The following TRIM33 variants were observed in gnomAD, a reference collection of about 807,000 sequenced individuals.
TRIM33 encodes tripartite motif containing 33, also known as E3 ubiquitin-protein ligase TRIM33.
TRIM33 carries 20 observed loss-of-function variants against 125.4 expected under a neutral mutation model. The observed-to-expected ratio is 0.16, with a 90% confidence interval of 0.11 to 0.23. The LOEUF (loss-of-function observed/expected upper bound fraction) is 0.23, where lower values mean the gene tolerates loss of function less well. Among genes scored for constraint, TRIM33 ranks in the 10% least tolerant of loss-of-function variants. The pLI, the probability that TRIM33 is intolerant of heterozygous loss-of-function variation, is 1.00. For missense variants in TRIM33, 920 were observed against 1,411.4 expected (o/e 0.65, Z 5.58); for synonymous variants, 564 against 513.9 (o/e 1.10, Z -1.32).
At chr1:114,493,372 C>G (rs1476411870) in intron 1 of TRIM33, among the ~76,000 whole-genome samples, 1 of 152,132 alleles carries the variant, frequency 6.6e-6, no homozygotes, top group Non-Finnish European at 1.5e-5. Flanking sequence ...CTTCAATGTA[C>G]AAAAGTTTTA....
intron 6 of TRIM33, 147 bp from the exon 7 acceptor site, chr1:114,428,041 C>A: frequency 2.5e-6 from 2 of 810,294 alleles, no homozygotes; most frequent in Admixed American, 3.1e-5. Context: ...AGCCTATCAT[C>A]AGAGGAAAAG....
At chr1:114,461,598 G>C (rs1265827378) in intron 4 of TRIM33, among the ~76,000 whole-genome samples, 1 of 152,050 alleles carries the variant, frequency 6.6e-6, no homozygotes, top group African/African-American at 2.4e-5. Flanking sequence ...TAAGGACTTA[G>C]ATATAAGTGG....
chr1:114,448,952 G>C (rs74370068), intron 4 of TRIM33, among the ~76,000 whole-genome samples: 1 of 152,088 alleles, frequency 6.6e-6, no homozygotes, highest in Non-Finnish European at 1.5e-5. Context: ...ACAAAGACTA[G>C]AGTGTCTGAA....
At chr1:114,482,276 G>A (rs1023898637) in intron 1 of TRIM33, among the ~76,000 whole-genome samples, 2 of 151,730 alleles carry the variant, frequency 1.3e-5, no homozygotes, top group African/African-American at 4.8e-5. Context: ...TATTAGAAAG[G>A]AAAAAAACAT....
intron 1 of TRIM33, among the ~76,000 whole-genome samples, chr1:114,509,026 C>G (rs1431787229): frequency 6.6e-6 from 1 of 152,184 alleles, no homozygotes. Flanking sequence ...CATTCCTTTA[C>G]TACCCATTCC....
chr1:114,486,672 A>G (rs1255432087), intron 1 of TRIM33, among the ~76,000 whole-genome samples: 2 of 152,140 alleles, frequency 1.3e-5, no homozygotes, highest in African/African-American at 2.4e-5. Flanking sequence ...GACCAAAAGA[A>G]AAGAAAAGAA....
At chr1:114,461,071 C>T (rs1167496605) in intron 4 of TRIM33, among the ~76,000 whole-genome samples, 2 of 151,680 alleles carry the variant, frequency 1.3e-5, no homozygotes, top group African/African-American at 4.8e-5. Context: ...CGGGGCCAAG[C>T]TCAGTGGCTC....
intron 1 of TRIM33, among the ~76,000 whole-genome samples, chr1:114,504,612 C>G (rs11801433): frequency 0.026 from 3,920 of 152,234 alleles, 86 homozygotes; most frequent in Non-Finnish European, 0.034. Flanking sequence ...TCACTACCAT[C>G]ACCCCCACCC....
intron 11 of TRIM33, among the ~76,000 whole-genome samples, chr1:114,418,394 A>G (rs1422100933): frequency 4.6e-5 from 7 of 152,186 alleles, no homozygotes; most frequent in African/African-American, 1.4e-4. Context: ...AGAGTCGGGG[A>G]GGATCTGATC....
intron 4 of TRIM33, among the ~76,000 whole-genome samples, chr1:114,445,209 G>A (rs758392089): frequency 3.9e-5 from 6 of 152,182 alleles, no homozygotes; most frequent in Admixed American, 3.3e-4. Context: ...TCTAACATAC[G>A]TGTAACTGAA....
In TRIM33 at chr1:114,397,591, T is replaced by TG; in HGVS notation, c.*56_*57insC. The TG allele has an allele frequency of 2.0e-6, 2 of 1,006,078 alleles. No homozygotes were observed. The highest frequency in any genetic ancestry group is 2.8e-6 in the Non-Finnish European group (2 of 707,710). The allele number at this position is 1,006,078 out of a possible 1,614,324, so 62.3% of individuals were successfully genotyped here. A position where few individuals can be genotyped will look rare whatever the true frequency, so the allele number is the denominator to read the frequency against. ...TAAAAGTTTTCTGGGTTTTTTGTGT[T>TG]TTTTTTTTTTTTTTCGTTTTTTTTT... On this transcript the variant is annotated 3_prime_UTR_variant, in exon 20 of 20. Transcript: ENST00000358465.
intron 4 of TRIM33, among the ~76,000 whole-genome samples, chr1:114,455,877 G>A (rs988310457): frequency 9.2e-5 from 14 of 152,224 alleles, no homozygotes; most frequent in Admixed American, 8.5e-4. Context: ...GATGAAGACA[G>A]AGAGGTCAAC....
intron 11 of TRIM33, among the ~76,000 whole-genome samples, chr1:114,417,772 C>T (rs947659205): frequency 1.1e-4 from 16 of 152,170 alleles, no homozygotes; most frequent in Admixed American, 2.0e-4. Context: ...AATTCTCCTG[C>T]CTCAGCCTCC....
intron 3 of TRIM33, 83 bp from the exon 4 acceptor site, chr1:114,463,319 C>CATAT: frequency 6.5e-7 from 1 of 1,548,212 alleles, no homozygotes; most frequent in African/African-American, 1.4e-5. Context: ...TGTTGCTATC[C>CATAT]AAAGTTTATA....
intron 4 of TRIM33, among the ~76,000 whole-genome samples, chr1:114,433,951 C>CA (rs1648124043): frequency 6.6e-6 from 1 of 152,138 alleles, no homozygotes; most frequent in East Asian, 1.9e-4. Flanking sequence ...AAAAATTACT[C>CA]AGATAATGGT....
chr1:114,457,083 T>C (rs557293386), intron 4 of TRIM33, among the ~76,000 whole-genome samples: 2 of 152,284 alleles, frequency 1.3e-5, no homozygotes, highest in Admixed American at 1.3e-4. Context: ...ACATATTCCA[T>C]ATCTGGGAAT....
intron 11 of TRIM33, among the ~76,000 whole-genome samples, chr1:114,410,837 A>G (rs901235443): frequency 1.3e-5 from 2 of 152,102 alleles, no homozygotes; most frequent in Non-Finnish European, 1.5e-5. Flanking sequence ...TAGAGGCAGT[A>G]CGATAAAGCC....
chr1:114,486,375 C>T (rs1235708405), intron 1 of TRIM33, among the ~76,000 whole-genome samples: 1 of 151,054 alleles, frequency 6.6e-6, no homozygotes, highest in African/African-American at 2.4e-5. Context: ...TTAAAAAATA[C>T]ACTTTGGAAA....
intron 1 of TRIM33, among the ~76,000 whole-genome samples, chr1:114,470,439 G>A (rs990584612): frequency 6.6e-6 from 1 of 151,982 alleles, no homozygotes; most frequent in Non-Finnish European, 1.5e-5. Flanking sequence ...CACAAACTGC[G>A]CCCAATGAAA....
Sources: gnomAD v4.1 joint callset for allele counts (sites outside exome capture counted in the v4.1 genomes callset) on GRCh38, gnomAD v4.1.1 for gene constraint, MANE v1.5 for transcripts, NCBI Gene and HGNC (gene_info 2026-07-23, HGNC 2026-07-21) for gene names.